KCNK13: variants seen among roughly 807,000 people sequenced by gnomAD.
The protein encoded by KCNK13 is potassium two pore domain channel subfamily K member 13.
A neutral mutation model predicts 23.4 loss-of-function variants in KCNK13; 12 were observed. The ratio of observed to expected loss-of-function variants is 0.51; its 90% confidence interval spans 0.33 to 0.83. KCNK13 has a LOEUF of 0.83. KCNK13 is among the 40% of genes least tolerant of loss of function. The pLI is 0.02. For synonymous variants in KCNK13, 231 were observed against 229.5 expected, an observed-to-expected ratio of 1.01 and a Z score of -0.06; for missense variants, 463 against 556.3, an observed-to-expected ratio of 0.83 and a Z score of 1.69.
At chr14:90,118,383 A>G (rs1363872919) in intron 1 of KCNK13, among the ~76,000 whole-genome samples, 1 of 152,188 alleles carries the variant, frequency 6.6e-6, no homozygotes, top group Non-Finnish European at 1.5e-5. Context: ...CTTAAGATGC[A>G]ACAGTTACAA....
chr14:90,137,966 G>T (rs1338675237), intron 1 of KCNK13, among the ~76,000 whole-genome samples: 2 of 152,156 alleles, frequency 1.3e-5, no homozygotes, highest in South Asian at 4.1e-4. Flanking sequence ...TATCTATGGT[G>T]GAGTAGGGAG....
intron 1 of KCNK13, among the ~76,000 whole-genome samples, chr14:90,125,947 C>A (rs1269030327): frequency 6.6e-6 from 1 of 151,542 alleles, no homozygotes; most frequent in Non-Finnish European, 1.5e-5. Flanking sequence ...TCACCTGAGC[C>A]TGGGGAGGTT....
chr14:90,180,277 G>A (rs980866195), intron 1 of KCNK13, among the ~76,000 whole-genome samples: 1 of 152,134 alleles, frequency 6.6e-6, no homozygotes, highest in Admixed American at 6.6e-5. Flanking sequence ...CAGAGGAAAG[G>A]CCTTTGATAA....
At chr14:90,113,535 G>C (rs763021933) in intron 1 of KCNK13, among the ~76,000 whole-genome samples, 3 of 152,198 alleles carry the variant, frequency 2.0e-5, no homozygotes, top group Non-Finnish European at 4.4e-5. Context: ...AAAAATAGGT[G>C]AAATCCAAAT....
rs57830227 is a variant in KCNK13, at chr14:90,126,531, C to CTTG, written c.335-57559_335-57557dup. On this transcript the variant is annotated intron_variant, in intron 1 of 1. Transcript: ENST00000282146. ...CTTTCCCAAAACCCATGACTCTATTCTTGTTGTTGTTGTTGTTGTTGTTAT... is the reference window on the plus strand; with the variant it reads ...CTTTCCCAAAACCCATGACTCTATTCTTGTTGTTGTTGTTGTTGTTGTTGTTAT... Among the ~76,000 whole-genome samples, 6 of 150,632 alleles carry CTTG rather than the reference C, an allele frequency of 4.0e-5. No individual in the cohort carries two copies. In the East Asian group the frequency reaches 5.9e-4, roughly 15 times the overall value.
intron 1 of KCNK13, among the ~76,000 whole-genome samples, chr14:90,071,708 C>T (rs900850858): frequency 6.6e-6 from 1 of 152,124 alleles, no homozygotes; most frequent in Non-Finnish European, 1.5e-5. Context: ...ACCATTGTGG[C>T]CAACATGGTG....
intron 1 of KCNK13, among the ~76,000 whole-genome samples, chr14:90,117,662 G>A (rs925441350): frequency 1.3e-5 from 2 of 152,148 alleles, no homozygotes; most frequent in African/African-American, 4.8e-5. Context: ...TTGACCACAG[G>A]TAACTGAAAC....
chr14:90,130,743 A>G (rs1044059023), intron 1 of KCNK13, among the ~76,000 whole-genome samples: 16 of 151,990 alleles, frequency 1.1e-4, no homozygotes, highest in African/African-American at 3.4e-4. Context: ...GAACCCGGGA[A>G]ACAGAGGTTG....
At chr14:90,130,410 G>C (rs1453709816) in intron 1 of KCNK13, among the ~76,000 whole-genome samples, 2 of 151,710 alleles carry the variant, frequency 1.3e-5, no homozygotes. Flanking sequence ...ATGTTGGCCA[G>C]GCTGGTCTTG....
intron 1 of KCNK13, among the ~76,000 whole-genome samples, chr14:90,102,305 C>T (rs536198510): frequency 1.5e-4 from 23 of 152,286 alleles, no homozygotes; most frequent in African/African-American, 4.8e-4. Flanking sequence ...GGTAACAACA[C>T]CAGCCAGCAT....
intron 1 of KCNK13, among the ~76,000 whole-genome samples, chr14:90,143,717 C>T (rs1890041453): frequency 1.3e-5 from 2 of 152,140 alleles, no homozygotes; most frequent in Non-Finnish European, 2.9e-5. Context: ...GACTCTGGGG[C>T]TGCTATGTGC....
chr14:90,139,129 G>A (rs1194952904), intron 1 of KCNK13, among the ~76,000 whole-genome samples: 4 of 152,166 alleles, frequency 2.6e-5, no homozygotes, highest in East Asian at 1.9e-4. Context: ...GGTGAGGTCC[G>A]TCCTCTCACA....
intron 1 of KCNK13, among the ~76,000 whole-genome samples, chr14:90,154,755 A>C (rs1214324600): frequency 6.6e-6 from 1 of 152,242 alleles, no homozygotes; most frequent in Non-Finnish European, 1.5e-5. Context: ...AGATAATTTC[A>C]AAATTTTCCC....
At chr14:90,157,029 G>A (rs532225197) in intron 1 of KCNK13, among the ~76,000 whole-genome samples, 9 of 152,150 alleles carry the variant, frequency 5.9e-5, no homozygotes, top group South Asian at 2.1e-4. Context: ...GCACTTACTG[G>A]AATTCAAGCA....
chr14:90,112,712 A>T (rs1889630290), intron 1 of KCNK13, among the ~76,000 whole-genome samples: 1 of 152,162 alleles, frequency 6.6e-6, no homozygotes, highest in South Asian at 2.1e-4. Context: ...TGCTTTTTTT[A>T]ATCAATAGAA....
chr14:90,158,632 T>C (rs935573679), intron 1 of KCNK13, among the ~76,000 whole-genome samples: 2 of 152,176 alleles, frequency 1.3e-5, no homozygotes, highest in African/African-American at 4.8e-5. Context: ...CTTCCTGGGG[T>C]GCAGTGTTTG....
chr14:90,153,200 C>G (rs895663101), intron 1 of KCNK13, among the ~76,000 whole-genome samples: 1 of 152,148 alleles, frequency 6.6e-6, no homozygotes, highest in Non-Finnish European at 1.5e-5. Flanking sequence ...CCTTCCCAGA[C>G]CCTAGTCAGA....
chr14:90,141,950 T>C (rs1413046961), intron 1 of KCNK13, among the ~76,000 whole-genome samples: 1 of 150,796 alleles, frequency 6.6e-6, no homozygotes, highest in Non-Finnish European at 1.5e-5. Context: ...GCCTGGCTAA[T>C]TTTTTTTTGT....
intron 1 of KCNK13, chr14:90,107,799 T>G: frequency 2.3e-6 from 2 of 854,208 alleles, no homozygotes. Flanking sequence ...AAACAAGGGC[T>G]TCTGGAATTT....
Sources: allele counts gnomAD v4.1 joint callset (sites outside exome capture counted in the v4.1 genomes callset), GRCh38; gene constraint gnomAD v4.1.1; transcripts MANE v1.5; gene names NCBI Gene and HGNC (gene_info 2026-07-23, HGNC 2026-07-21).